SULT4A1: variants seen among roughly 807,000 people sequenced by gnomAD.
The protein encoded by SULT4A1 is sulfotransferase family 4A member 1, also known as sulfotransferase 4A1.
Under a neutral mutation model 35.2 loss-of-function variants are expected in SULT4A1, and 11 were observed. The observed-to-expected ratio is 0.31, with a 90% CI of 0.20 to 0.52. The LOEUF (loss-of-function observed/expected upper bound fraction) is 0.52. Ranked by LOEUF, SULT4A1 falls within the 20% of genes least tolerant of loss-of-function variation. The pLI is 0.97. For missense variants in SULT4A1, 271 were observed against 383.7 expected, an observed-to-expected ratio of 0.71 and a Z score of 2.45; for synonymous variants, 152 against 151.8, an observed-to-expected ratio of 1.00 and a Z score of -0.01.
rs1432398313 is a variant in SULT4A1 at position 43,825,956 on chromosome 22, T to C, written c.*45A>G. On this transcript the variant is annotated 3_prime_UTR_variant, in exon 7 of 7. Transcript: ENST00000330884. ...GAATGCATACAGGACTTTTGGCTAG[T>C]AGACTGTCTGGGTATTGTGAGCATG... 4 of 1,583,152 alleles carry C rather than the reference T, an allele frequency of 2.5e-6. No homozygotes were observed. The highest frequency in any genetic ancestry group is 3.5e-6 in the Non-Finnish European group (4 of 1,155,546).
At chr22:43,837,157 T>A (rs2063383909) in intron 4 of SULT4A1, among the ~76,000 whole-genome samples, 1 of 152,190 alleles carries the variant, frequency 6.6e-6, no homozygotes, top group African/African-American at 2.4e-5. Flanking sequence ...GGTCCAGCGG[T>A]CCTCAGTATG....
chr22:43,857,245 G>A (rs1463267326), intron 1 of SULT4A1, among the ~76,000 whole-genome samples: 1 of 151,494 alleles, frequency 6.6e-6, no homozygotes, highest in Non-Finnish European at 1.5e-5. Context: ...AACAAAAAGA[G>A]AAAAAGAAAG....
In SULT4A1 at chr22:43,829,175, C is replaced by T. The variant is rs767434628; in HGVS notation, c.627G>A (p.Gln209=). Residue 209 remains glutamine, a synonymous_variant, in exon 6 of 7, where the codon CAG becomes CAA. Coordinates refer to ENST00000330884, the MANE Select transcript of SULT4A1 (RefSeq NM_014351.4). Reference sequence around the variant, plus strand: ...AGGACACCCCCAGGAATCTGGCCAGCTGCTCCACCATCGTCACCAGGTCCT... The same window carrying T: ...AGGACACCCCCAGGAATCTGGCCAGTTGCTCCACCATCGTCACCAGGTCCT... ...MHRDLVTMVE[Q]LARFLGVSCD... is the part of the protein sequence containing the mutation. 1.9e-6 allele frequency: 3 copies of T among 1,566,092 alleles called. No homozygotes were observed. The highest frequency in any genetic ancestry group is 2.6e-6 in the Non-Finnish European group (3 of 1,155,536).
intron 5 of SULT4A1, among the ~76,000 whole-genome samples, chr22:43,832,644 C>T (rs1209700821): frequency 1.3e-5 from 2 of 152,004 alleles, no homozygotes; most frequent in East Asian, 1.9e-4. Flanking sequence ...GTGCACACAC[C>T]ACCCGCCCCA....
intron 1 of SULT4A1, among the ~76,000 whole-genome samples, chr22:43,846,812 T>C (rs916714755): frequency 5.9e-5 from 9 of 152,234 alleles, no homozygotes; most frequent in African/African-American, 2.2e-4. Context: ...GAGGGGGTCT[T>C]TGTCCTTAGA....
chr22:43,853,168 GCACACACACCACACACATACACC>G (rs965813205), intron 1 of SULT4A1, among the ~76,000 whole-genome samples: 5 of 151,370 alleles, frequency 3.3e-5, no homozygotes, highest in African/African-American at 2.4e-5. Context: ...CACAACACAT[GCACACACACCACACACATACACC>G]CACACACACT....
At chr22:43,826,178 A>G in intron 6 of SULT4A1, 65 bp from the exon 7 acceptor site, 1 of 1,598,854 alleles carries the variant, frequency 6.3e-7, no homozygotes, top group South Asian at 1.1e-5. Context: ...AACTAAAGGA[A>G]GCCTTGGAAA....
At chr22:43,844,528 G>A (rs1439057633) in intron 1 of SULT4A1, among the ~76,000 whole-genome samples, 1 of 152,190 alleles carries the variant, frequency 6.6e-6, no homozygotes, top group African/African-American at 2.4e-5. Flanking sequence ...TCGCACTCAG[G>A]TCCGACGGCC....
chr22:43,857,999 A>C (rs956392544), intron 1 of SULT4A1, among the ~76,000 whole-genome samples: 3 of 139,448 alleles, frequency 2.2e-5, no homozygotes, highest in African/African-American at 5.3e-5. Flanking sequence ...GCAGTGAGCC[A>C]TGATTGCATC....
chr22:43,841,824 T>G lies in SULT4A1; in HGVS notation c.278A>C (p.Gln93Pro). ...TACCTTGATGATGTCCAGGCCCGGC[T>G]GTGGGTACTCCAGGACCGGGAGCTG... The part of the protein sequence containing the change: ...DEQLPVLEYP[Q>P]PGLDIIKELT... The change falls in exon 2 of 7, where the codon CAG becomes CCG. Residue 93 changes from glutamine (Q) to proline (P), a missense_variant. Physicochemically the swap from Gln to Pro is moderately conservative, Grantham distance 76. Coordinates refer to ENST00000330884, the MANE Select transcript of SULT4A1 (RefSeq NM_014351.4). 6.2e-7 allele frequency: 1 copy of G among 1,613,852 alleles called. No individual in the cohort carries two copies. Among genetic ancestry groups the G allele is most frequent in the East Asian group, 2.2e-5 (1 of 44,880 alleles).
chr22:43,837,732 G>A (rs576098316), intron 4 of SULT4A1, among the ~76,000 whole-genome samples: 91 of 152,240 alleles, frequency 6.0e-4, no homozygotes, highest in Non-Finnish European at 1.0e-3. Flanking sequence ...GCCCTGCACC[G>A]CCCCGCCAAG....
chr22:43,841,673 C>G, intron 2 of SULT4A1, 129 bp downstream of exon 2: 1 of 1,414,472 alleles, frequency 7.1e-7, no homozygotes, highest in Non-Finnish European at 9.5e-7. Context: ...CAGCTTCTCC[C>G]CTGGCTATCT....
At chr22:43,826,674 C>T in intron 6 of SULT4A1, 4 of 985,416 alleles carry the variant, frequency 4.1e-6, no homozygotes, top group Non-Finnish European at 4.8e-6. Context: ...AAGTAGGAAG[C>T]CCTCCTGACT....
At chr22:43,836,413 G>A (rs1286928110) in intron 4 of SULT4A1, among the ~76,000 whole-genome samples, 2 of 144,926 alleles carry the variant, frequency 1.4e-5, no homozygotes, top group African/African-American at 5.2e-5. Context: ...CACACTGCAG[G>A]TGCCACAGGG....
intron 5 of SULT4A1, among the ~76,000 whole-genome samples, chr22:43,832,305 G>A (rs529905851): frequency 2.0e-5 from 3 of 152,254 alleles, no homozygotes; most frequent in African/African-American, 7.2e-5. Flanking sequence ...GCTCCATGGC[G>A]CGTGTGACCT....
At chr22:43,830,839 A>G (rs1484614400) in intron 5 of SULT4A1, among the ~76,000 whole-genome samples, 1 of 152,194 alleles carries the variant, frequency 6.6e-6, no homozygotes, top group Non-Finnish European at 1.5e-5. Context: ...GTGAGAACAC[A>G]TGGACCCACA....
intron 1 of SULT4A1, among the ~76,000 whole-genome samples, chr22:43,858,841 C>T (rs887825165): frequency 4.6e-5 from 7 of 152,162 alleles, no homozygotes; most frequent in African/African-American, 1.7e-4. Context: ...GAAATAATCA[C>T]AAGAGCACAG....
chr22:43,862,210 T>G lies in SULT4A1; in HGVS notation c.169+4A>C. The G allele has an allele frequency of 6.5e-7, 1 of 1,541,636 alleles. No individual in the cohort carries two copies. The highest frequency in any genetic ancestry group is 1.2e-5 in the South Asian group (1 of 86,086). On this transcript the variant is annotated splice_donor_region_variant and intron_variant, in intron 1 of 6. Transcript: ENST00000330884. Reference sequence around the variant, plus strand: ...GTGGCGGGCGCGGTCGGCGCGGGGCTCACCGGACTTGGGGTAGGTGACGAT... The same window carrying G: ...GTGGCGGGCGCGGTCGGCGCGGGGCGCACCGGACTTGGGGTAGGTGACGAT...
intron 1 of SULT4A1, among the ~76,000 whole-genome samples, chr22:43,860,196 G>A (rs183417922): frequency 2.0e-4 from 31 of 152,312 alleles, no homozygotes; most frequent in Non-Finnish European, 3.7e-4. Context: ...ATCCAAGGAG[G>A]CCCGTGGGTT....
Sources: gnomAD v4.1 joint callset for allele counts (sites outside exome capture counted in the v4.1 genomes callset) on GRCh38, gnomAD v4.1.1 for gene constraint, MANE v1.5 for transcripts, NCBI Gene and HGNC (gene_info 2026-07-23, HGNC 2026-07-21) for gene names.